The following C2orf49 variants were observed in gnomAD, a reference collection of about 807,000 sequenced individuals.
The protein encoded by C2orf49 is tRNA splicing ligase complex subunit 2.
C2orf49 carries 11 observed loss-of-function variants against 20.6 expected under a neutral mutation model. That is an observed-to-expected ratio of 0.53 (90% CI 0.34 to 0.88). The LOEUF (loss-of-function observed/expected upper bound fraction) is 0.88. C2orf49 is among the 40% of genes least tolerant of loss of function. C2orf49 has a pLI of 0.02. For missense variants in C2orf49, 289 were observed against 274.2 expected (o/e 1.05, Z -0.38); for synonymous variants, 134 against 108.5 (o/e 1.24, Z -1.46).
At chr2:105,351,326 CA>C (rs1179736388), downstream of C2orf49, among the ~76,000 whole-genome samples, 82 of 83,564 alleles carry the variant, frequency 9.8e-4, 1 homozygote, top group Admixed American at 1.6e-3. Context: ...CCCCCCCCCC[CA>C]AAAAAAAAGG....
chr2:105,337,718 T>C, intron 1 of C2orf49, 32 bp downstream of exon 1: 1 of 28,714 alleles, frequency 3.5e-5, no homozygotes, highest in Non-Finnish European at 6.1e-5. Flanking sequence ...GGTGGGCGGG[T>C]GGGCCTTCCC....
chr2:105,361,407 A>G, the C2orf49 span: 1 of 1,614,142 alleles, frequency 6.2e-7, no homozygotes, highest in East Asian at 2.2e-5. Flanking sequence ...CCGTTCCTCA[A>G]AGGAGATGTA....
the C2orf49 span, among the ~76,000 whole-genome samples, chr2:105,356,026 G>A: frequency 1.6e-4 from 25 of 152,096 alleles, no homozygotes; most frequent in Admixed American, 9.8e-4. Context: ...GGGGGGAATC[G>A]CTTGAGCCCA....
chr2:105,355,161 TA>T, the C2orf49 span, among the ~76,000 whole-genome samples: 1 of 151,606 alleles, frequency 6.6e-6, no homozygotes, highest in South Asian at 2.1e-4. Flanking sequence ...GAATTAGAAA[TA>T]CATCTTTCCT....
At chr2:105,338,886 C>A (rs1573240232) in intron 1 of C2orf49, among the ~76,000 whole-genome samples, 1 of 152,132 alleles carries the variant, frequency 6.6e-6, no homozygotes. Flanking sequence ...CATGACTACT[C>A]CTGTGCTTAT....
chr2:105,343,845 T>TTA (rs910254628), intron 3 of C2orf49, among the ~76,000 whole-genome samples: 2 of 151,508 alleles, frequency 1.3e-5, no homozygotes, highest in South Asian at 2.1e-4. Context: ...GTGAGATGAT[T>TTA]TATATATATA....
At chr2:105,350,351 A>G (rs946172666), downstream of C2orf49, among the ~76,000 whole-genome samples, 5 of 152,244 alleles carry the variant, frequency 3.3e-5, no homozygotes, top group Admixed American at 6.5e-5. Flanking sequence ...CAGTGGTAGT[A>G]TAAAATGAAG....
the C2orf49 span, chr2:105,367,733 C>T: frequency 3.6e-5 from 58 of 1,613,228 alleles, no homozygotes; most frequent in Middle Eastern, 6.6e-4. Flanking sequence ...CTCCATCTTG[C>T]GGGTACCTGT....
At chr2:105,343,699 A>G (rs898371713) in intron 3 of C2orf49, among the ~76,000 whole-genome samples, 2 of 152,174 alleles carry the variant, frequency 1.3e-5, no homozygotes, top group South Asian at 2.1e-4. Context: ...TGCCTCGCCT[A>G]CTGCTCAATT....
At chr2:105,384,642 G>T in the C2orf49 span, among the ~76,000 whole-genome samples, 1 of 152,146 alleles carries the variant, frequency 6.6e-6, no homozygotes, top group Non-Finnish European at 1.5e-5. Context: ...CAAGTAGCTG[G>T]GATTACAGAT....
At chr2:105,340,659 A>G (rs1276382587) in intron 2 of C2orf49, among the ~76,000 whole-genome samples, 1 of 152,262 alleles carries the variant, frequency 6.6e-6, no homozygotes, top group Non-Finnish European at 1.5e-5. Flanking sequence ...ACAGTTTTAT[A>G]AAACCACAAG....
chr2:105,344,842 G>A (rs965559130), intron 3 of C2orf49, among the ~76,000 whole-genome samples: 6 of 151,782 alleles, frequency 4.0e-5, no homozygotes, highest in African/African-American at 4.8e-5. Flanking sequence ...CACCTGACTC[G>A]GCTGGGATTA....
Position 105,345,689 on chromosome 2 carries a change from G to A in C2orf49, c.*318G>A, listed in dbSNP as rs754479932. 2.6e-5 allele frequency: 7 copies of A among 273,244 alleles called. No homozygotes were observed. Among genetic ancestry groups the A allele is most frequent in the South Asian group, 9.5e-5 (2 of 21,094 alleles). The allele number at this position is 273,244 out of a possible 1,614,324, so 16.9% of individuals were successfully genotyped here. A position where few individuals can be genotyped will look rare whatever the true frequency, so the allele number is the denominator to read the frequency against. ...AAAGCATCCATTGAATTGGCCAGGCGCAGTGGCTCACGCCTATAATCCCAG... is the reference window on the plus strand; with the variant it reads ...AAAGCATCCATTGAATTGGCCAGGCACAGTGGCTCACGCCTATAATCCCAG... On this transcript the variant is annotated 3_prime_UTR_variant, in exon 4 of 4. Transcript: ENST00000258457.
the C2orf49 span, chr2:105,367,446 G>A: frequency 5.4e-3 from 5,209 of 964,852 alleles, 17 homozygotes; most frequent in Non-Finnish European, 6.9e-3. Context: ...AGGCAGGACA[G>A]GCACAGCTCC....
chr2:105,351,324 CCCA>C (rs66788026), downstream of C2orf49, among the ~76,000 whole-genome samples: 17,496 of 132,560 alleles, frequency 0.13, 1,463 homozygotes, highest in Middle Eastern at 0.19. Flanking sequence ...CCCCCCCCCC[CCCA>C]AAAAAAAAGG....
the C2orf49 span, chr2:105,358,090 ACTT>A: frequency 3.3e-5 from 5 of 152,098 alleles, no homozygotes; most frequent in African/African-American, 1.2e-4. Flanking sequence ...TCTGTGTTAA[ACTT>A]CTGGCTGGTC....
At chr2:105,355,120 G>A in the C2orf49 span, among the ~76,000 whole-genome samples, 1 of 152,090 alleles carries the variant, frequency 6.6e-6, no homozygotes, top group Middle Eastern at 3.2e-3. Flanking sequence ...TAATAGGTAT[G>A]ACCTCAAAAA....
the C2orf49 span, among the ~76,000 whole-genome samples, chr2:105,379,069 T>G: frequency 6.6e-6 from 1 of 152,164 alleles, no homozygotes; most frequent in African/African-American, 2.4e-5. Context: ...GCTTGGTTAT[T>G]TCACCCTAGG....
the C2orf49 span, among the ~76,000 whole-genome samples, chr2:105,380,509 A>G: frequency 1.2e-4 from 18 of 152,204 alleles, no homozygotes; most frequent in African/African-American, 4.3e-4. Context: ...AATTACAGGC[A>G]TGAGCCACCA....
Sources: allele counts gnomAD v4.1 joint callset (sites outside exome capture counted in the v4.1 genomes callset), GRCh38; gene constraint gnomAD v4.1.1; transcripts MANE v1.5; gene names NCBI Gene and HGNC (gene_info 2026-07-23, HGNC 2026-07-21).